The following DISP1 variants were observed in gnomAD, a reference collection of about 807,000 sequenced individuals.
DISP1 encodes the protein protein dispatched homolog 1.
DISP1 carries 30 observed loss-of-function variants against 37.3 expected under a neutral mutation model. The observed-to-expected ratio is 0.80, with a 90% CI of 0.60 to 1.09. The LOEUF (loss-of-function observed/expected upper bound fraction) is 1.09. Ranked by LOEUF, DISP1 falls within the 50% of genes least tolerant of loss-of-function variation. DISP1 has a pLI of 0.00. For synonymous variants in DISP1, 634 were observed against 690.2 expected, an observed-to-expected ratio of 0.92 and a Z score of 1.28; for missense variants, 1,598 against 1,879.5, an observed-to-expected ratio of 0.85 and a Z score of 2.77.
chr1:222,864,819 A>G (rs1405107014), intron 1 of DISP1, among the ~76,000 whole-genome samples: 1 of 152,186 alleles, frequency 6.6e-6, no homozygotes, highest in Non-Finnish European at 1.5e-5. Context: ...TTAAGCTGCT[A>G]TAAACAAGAA....
rs761912265 is a variant in DISP1 at position 222,984,419 on chromosome 1, A to ATATATAT, written c.539+1310_539+1311insTATATAT. ...ACTCTGTCTCAAAAAAAAAAAAAAA[A>ATATATAT]AAATATATATATATATAGAGAGAGA... On this transcript the variant is annotated intron_variant, in intron 4 of 8. Coordinates refer to ENST00000675850, the MANE Select transcript of DISP1 (RefSeq NM_001377229.1). Among the ~76,000 whole-genome samples the ATATATAT allele has an allele frequency of 2.3e-3, 231 of 101,078 alleles. 12 individuals are homozygous for ATATATAT. Among genetic ancestry groups the ATATATAT allele is most frequent in the South Asian group, 0.022 (64 of 2,972 alleles). 66.3% of individuals were successfully genotyped at this position (101,078 alleles called of 152,430 possible).
intron 1 of DISP1, among the ~76,000 whole-genome samples, chr1:222,884,408 A>C (rs961619397): frequency 9.9e-5 from 15 of 152,036 alleles, no homozygotes; most frequent in African/African-American, 3.1e-4. Context: ...ACTGTACTAA[A>C]TTGTTGTGTC....
chr1:222,951,799 A>C (rs1226993713), intron 3 of DISP1, among the ~76,000 whole-genome samples: 1 of 152,254 alleles, frequency 6.6e-6, no homozygotes. Context: ...TGGACAAGAC[A>C]AGACACTTAG....
chr1:222,824,115 C>T (rs984916611), intron 1 of DISP1, among the ~76,000 whole-genome samples: 2 of 151,998 alleles, frequency 1.3e-5, no homozygotes, highest in African/African-American at 4.8e-5. Context: ...TATTAAGTTA[C>T]ATATTAATTT....
chr1:222,973,100 A>G (rs1337291000), intron 3 of DISP1, among the ~76,000 whole-genome samples: 2 of 152,228 alleles, frequency 1.3e-5, no homozygotes, highest in Non-Finnish European at 2.9e-5. Context: ...CATCTAAATT[A>G]GAGTTAGCCA....
chr1:222,969,910 T>C (rs946982312), intron 3 of DISP1, among the ~76,000 whole-genome samples: 8 of 152,128 alleles, frequency 5.3e-5, no homozygotes, highest in African/African-American at 1.9e-4. Flanking sequence ...ATATTCCTCA[T>C]TAAAGCTTTC....
intron 3 of DISP1, among the ~76,000 whole-genome samples, chr1:222,955,117 C>T (rs918566773): frequency 2.0e-5 from 3 of 150,920 alleles, no homozygotes; most frequent in African/African-American, 4.9e-5. Flanking sequence ...GAAACAGTCT[C>T]GCTCTGTCGC....
intron 2 of DISP1, among the ~76,000 whole-genome samples, chr1:222,931,781 G>A (rs1475953636): frequency 6.6e-6 from 1 of 151,398 alleles, no homozygotes; most frequent in African/African-American, 2.4e-5. Context: ...CAGACATTGA[G>A]GATGAACTTT....
chr1:222,873,539 T>C (rs1420931743), intron 1 of DISP1, among the ~76,000 whole-genome samples: 2 of 152,242 alleles, frequency 1.3e-5, no homozygotes, highest in Admixed American at 6.5e-5. Context: ...TGGCCTTCTT[T>C]GTCTCTTTTG....
intron 1 of DISP1, among the ~76,000 whole-genome samples, chr1:222,882,961 A>G (rs192277764): frequency 1.3e-5 from 2 of 152,196 alleles, no homozygotes; most frequent in Admixed American, 1.3e-4. Flanking sequence ...GTAAATTATG[A>G]TTAGATCAAC....
chr1:222,987,259 G>A (rs1011092296), intron 4 of DISP1, among the ~76,000 whole-genome samples: 13 of 152,190 alleles, frequency 8.5e-5, no homozygotes, highest in African/African-American at 2.9e-4. Flanking sequence ...GATAGCAGGA[G>A]GAGTAGAATT....
At chr1:222,912,990 C>A (rs1292477956) in intron 1 of DISP1, among the ~76,000 whole-genome samples, 2 of 152,256 alleles carry the variant, frequency 1.3e-5, no homozygotes, top group East Asian at 1.9e-4. Context: ...TACTCTCAAC[C>A]TGCATGACTA....
chr1:222,832,680 A>C (rs1666042638), intron 1 of DISP1, among the ~76,000 whole-genome samples: 1 of 152,156 alleles, frequency 6.6e-6, no homozygotes, highest in Admixed American at 6.5e-5. Context: ...GGATCACCTG[A>C]GGTCAGGAGT....
At chr1:222,999,114 T>G (rs1159419910) in intron 8 of DISP1, among the ~76,000 whole-genome samples, 1 of 152,128 alleles carries the variant, frequency 6.6e-6, no homozygotes, top group Non-Finnish European at 1.5e-5. Context: ...TGGTTTCTTC[T>G]TTTTCTCTCT....
chr1:222,871,346 A>G (rs1558303886), intron 1 of DISP1, among the ~76,000 whole-genome samples: 4 of 152,130 alleles, frequency 2.6e-5, no homozygotes, highest in Non-Finnish European at 4.4e-5. Context: ...TGGTAGCTTG[A>G]TGGGGGTGGC....
At chr1:222,923,596 T>C (rs1672926418) in intron 1 of DISP1, among the ~76,000 whole-genome samples, 1 of 152,124 alleles carries the variant, frequency 6.6e-6, no homozygotes, top group Admixed American at 6.6e-5. Flanking sequence ...TTTCATTCTT[T>C]CCCATAAAAT....
At chr1:222,903,275 A>C in intron 1 of DISP1, among the ~76,000 whole-genome samples, 1 of 126,466 alleles carries the variant, frequency 7.9e-6, no homozygotes, top group African/African-American at 3.0e-5. Context: ...AGGAAGGGGA[A>C]CATCACACTC....
At position 222,994,916 on chromosome 1, in the gene DISP1, A is replaced by T; in HGVS notation, c.921A>T (p.Ser307=). The part of the protein sequence containing the change: ...SDRYSRVVFT[S]SGGETLWNLP... ...GATATTCCAGAGTGGTATTTACTTC[A>T]TCTGGAGGGGAGACATTATGGAATT... is the stretch of plus-strand genomic sequence containing the variant. Residue 307 remains serine, a synonymous_variant, in exon 8 of 9, where the codon TCA becomes TCT. Transcript: ENST00000675850. The T allele has an allele frequency of 4.3e-6, 7 of 1,612,306 alleles. No individual in the cohort carries two copies. Among genetic ancestry groups the T allele is most frequent in the Non-Finnish European group, 5.9e-6 (7 of 1,179,110 alleles).
intron 3 of DISP1, among the ~76,000 whole-genome samples, chr1:222,955,359 A>G (rs1332066399): frequency 6.6e-6 from 1 of 152,214 alleles, no homozygotes; most frequent in Non-Finnish European, 1.5e-5. Flanking sequence ...TGTTGGAATT[A>G]CAGGTGTGAG....
Sources: allele counts gnomAD v4.1 joint callset (sites outside exome capture counted in the v4.1 genomes callset), GRCh38; gene constraint gnomAD v4.1.1; transcripts MANE v1.5; gene names NCBI Gene and HGNC (gene_info 2026-07-23, HGNC 2026-07-21).